EFNA5: variants seen among roughly 807,000 people sequenced by gnomAD.
EFNA5 encodes ephrin-A5.
EFNA5 carries 5 observed loss-of-function variants against 22.9 expected under a neutral mutation model. The ratio of observed to expected loss-of-function variants is 0.22; its 90% CI spans 0.11 to 0.46. EFNA5 has a LOEUF of 0.46. Ranked by LOEUF, EFNA5 falls within the 20% of genes least tolerant of loss-of-function variation. The pLI is 0.99. For synonymous variants in EFNA5, 113 were observed against 112.2 expected (o/e 1.01, Z -0.04); for missense variants, 237 against 293.3 (o/e 0.81, Z 1.40).
chr5:107,399,464 A>C (rs1561369678), intron 2 of EFNA5, among the ~76,000 whole-genome samples: 1 of 152,180 alleles, frequency 6.6e-6, no homozygotes, highest in Non-Finnish European at 1.5e-5. Flanking sequence ...TTAGATCCAA[A>C]GATATGTAGA....
chr5:107,405,319 G>A (rs937154767), intron 2 of EFNA5, among the ~76,000 whole-genome samples: 8 of 152,116 alleles, frequency 5.3e-5, no homozygotes, highest in African/African-American at 1.9e-4. Flanking sequence ...AATCAGAAAC[G>A]TCTGTTATCC....
chr5:107,437,597 T>C (rs958875293), intron 1 of EFNA5, among the ~76,000 whole-genome samples: 3 of 152,380 alleles, frequency 2.0e-5, no homozygotes, highest in East Asian at 1.9e-4. Flanking sequence ...TTTTTACGTA[T>C]AGATCTCCTT....
At chr5:107,508,408 T>C (rs149187772) in intron 1 of EFNA5, among the ~76,000 whole-genome samples, 1 of 152,348 alleles carries the variant, frequency 6.6e-6, no homozygotes, top group East Asian at 1.9e-4. Flanking sequence ...CACAGACGAA[T>C]GTCATCAGAG....
At chr5:107,488,777 T>C (rs1202989973) in intron 1 of EFNA5, among the ~76,000 whole-genome samples, 1 of 152,064 alleles carries the variant, frequency 6.6e-6, no homozygotes, top group Non-Finnish European at 1.5e-5. Context: ...CTGCAACCTC[T>C]GCCTCCTGGG....
At chr5:107,521,701 G>A (rs985170040) in intron 1 of EFNA5, among the ~76,000 whole-genome samples, 1 of 152,074 alleles carries the variant, frequency 6.6e-6, no homozygotes, top group African/African-American at 2.4e-5. Context: ...CATATCGCCA[G>A]CCTGGGAAAA....
At chr5:107,628,805 T>C (rs181256112) in intron 1 of EFNA5, among the ~76,000 whole-genome samples, 1 of 152,112 alleles carries the variant, frequency 6.6e-6, no homozygotes. Context: ...CAAAGAAAGG[T>C]AGTATTTTTG....
intron 1 of EFNA5, among the ~76,000 whole-genome samples, chr5:107,430,886 C>T (rs1380499883): frequency 6.6e-6 from 1 of 151,404 alleles, no homozygotes; most frequent in Non-Finnish European, 1.5e-5. Context: ...AAGCAATTCC[C>T]CTGCCTCAGC....
intron 1 of EFNA5, among the ~76,000 whole-genome samples, chr5:107,595,389 T>G (rs11952705): frequency 0.16 from 24,237 of 152,048 alleles, 4,949 homozygotes; most frequent in African/African-American, 0.48. Flanking sequence ...GTATAAACCT[T>G]TACCAAACCC....
At position 107,561,397 on chromosome 5, in the gene EFNA5, C is replaced by G. The variant is rs77099932; in HGVS notation, c.125+109092G>C. Among the ~76,000 whole-genome samples, 12 of 152,232 alleles carry G rather than the reference C, an allele frequency of 7.9e-5. No homozygotes were observed. The East Asian group carries it at 2.3e-3, about 29-fold the overall frequency. On this transcript the variant is annotated intron_variant, in intron 1 of 4. Coordinates refer to ENST00000333274, the MANE Select transcript of EFNA5 (RefSeq NM_001962.3). Reference sequence around the variant, plus strand: ...ACACTTTTTTTTCTTGAGATGGAGTCTTGCTCTATCACCCAGGCTGGAGTG... The same window carrying G: ...ACACTTTTTTTTCTTGAGATGGAGTGTTGCTCTATCACCCAGGCTGGAGTG...
intron 1 of EFNA5, among the ~76,000 whole-genome samples, chr5:107,589,334 T>A (rs2112501013): frequency 6.6e-6 from 1 of 152,288 alleles, no homozygotes; most frequent in Admixed American, 6.5e-5. Context: ...TCCCAGATCC[T>A]TTTCTATTCA....
intron 1 of EFNA5, among the ~76,000 whole-genome samples, chr5:107,454,184 T>C (rs977632424): frequency 1.3e-5 from 2 of 152,158 alleles, no homozygotes; most frequent in African/African-American, 2.4e-5. Flanking sequence ...TGCATTCATA[T>C]TTTGTCACTG....
chr5:107,661,151 A>C (rs1561463179), intron 1 of EFNA5, among the ~76,000 whole-genome samples: 1 of 151,888 alleles, frequency 6.6e-6, no homozygotes, highest in Non-Finnish European at 1.5e-5. Flanking sequence ...GAAGAAAAAA[A>C]AAGTATTAGC....
chr5:107,422,372 T>C (rs922296611), intron 2 of EFNA5, among the ~76,000 whole-genome samples: 8 of 152,168 alleles, frequency 5.3e-5, no homozygotes, highest in South Asian at 2.1e-4. Flanking sequence ...ACCATAAATA[T>C]ATAATGTCAG....
chr5:107,626,776 T>A (rs1750149957), intron 1 of EFNA5, among the ~76,000 whole-genome samples: 1 of 152,344 alleles, frequency 6.6e-6, no homozygotes, highest in East Asian at 1.9e-4. Context: ...ACATTTAGAT[T>A]TAAGTTTGGT....
intron 1 of EFNA5, among the ~76,000 whole-genome samples, chr5:107,532,508 C>T (rs1020283726): frequency 1.3e-5 from 2 of 152,184 alleles, no homozygotes; most frequent in Non-Finnish European, 2.9e-5. Context: ...TGAGTAGTGG[C>T]AAGACAGATG....
At chr5:107,416,953 C>A (rs1270802425) in intron 2 of EFNA5, among the ~76,000 whole-genome samples, 1 of 151,506 alleles carries the variant, frequency 6.6e-6, no homozygotes, top group African/African-American at 2.4e-5. Context: ...AGATTTTAGT[C>A]AGAATTTGTA....
chr5:107,378,622 G>C lies in EFNA5; in HGVS notation c.*2633C>G, dbSNP rs956375084. The C allele has an allele frequency of 3.8e-4, 58 of 152,186 alleles. No individual in the cohort carries two copies. The highest frequency in any genetic ancestry group is 1.4e-3 in the African/African-American group (57 of 41,438). The allele number at this position is 152,186 out of a possible 1,614,324, so 9.4% of individuals were successfully genotyped here. A position where few individuals can be genotyped will look rare whatever the true frequency, so the allele number is the denominator to read the frequency against. ...TATGATTTCATCACTTACAGGTAGA[G>C]AAGCTTACTGTCTACTGGTGTGGAC... On this transcript the variant is annotated 3_prime_UTR_variant, in exon 5 of 5. Coordinates refer to ENST00000333274, the MANE Select transcript of EFNA5 (RefSeq NM_001962.3).
At chr5:107,441,183 A>T (rs1036144679) in intron 1 of EFNA5, among the ~76,000 whole-genome samples, 3 of 152,170 alleles carry the variant, frequency 2.0e-5, no homozygotes, top group Non-Finnish European at 4.4e-5. Flanking sequence ...CAACTCAAGG[A>T]TGTTTTTAAA....
At chr5:107,385,989 G>C (rs1320916620) in intron 4 of EFNA5, among the ~76,000 whole-genome samples, 4 of 151,950 alleles carry the variant, frequency 2.6e-5, no homozygotes, top group Non-Finnish European at 4.4e-5. Context: ...CTTCCTGTCA[G>C]TTTTAACAGG....
Sources: allele counts gnomAD v4.1 joint callset (sites outside exome capture counted in the v4.1 genomes callset), GRCh38; gene constraint gnomAD v4.1.1; transcripts MANE v1.5; gene names NCBI Gene and HGNC (gene_info 2026-07-23, HGNC 2026-07-21).